FHL2: variants seen among roughly 807,000 people sequenced by gnomAD.
The protein encoded by FHL2 is four and a half LIM domains protein 2.
FHL2 carries 20 observed loss-of-function variants against 32.7 expected under a neutral mutation model. The ratio of observed to expected loss-of-function variants is 0.61; its 90% CI spans 0.43 to 0.89. The LOEUF (loss-of-function observed/expected upper bound fraction) is 0.89. Ranked by LOEUF, FHL2 falls within the 40% of genes least tolerant of loss-of-function variation. The pLI is 0.00. For synonymous variants in FHL2, 123 were observed against 128.1 expected, an observed-to-expected ratio of 0.96 and a Z score of 0.27; for missense variants, 311 against 358.6, an observed-to-expected ratio of 0.87 and a Z score of 1.07.
At chr2:105,430,489 T>TA (rs1463295089) in intron 1 of FHL2, among the ~76,000 whole-genome samples, 1 of 152,122 alleles carries the variant, frequency 6.6e-6, no homozygotes, top group African/African-American at 2.4e-5. Flanking sequence ...CAACATGGTG[T>TA]AACCTCGTCT....
chr2:105,363,788 A>T (rs1245466211), intron 5 of FHL2, among the ~76,000 whole-genome samples: 1 of 152,214 alleles, frequency 6.6e-6, no homozygotes, highest in Non-Finnish European at 1.5e-5. Flanking sequence ...GAAGCAGCAC[A>T]GTGGAGGGGT....
intron 1 of FHL2, among the ~76,000 whole-genome samples, chr2:105,426,904 A>G (rs1339440162): frequency 2.0e-5 from 3 of 152,214 alleles, no homozygotes; most frequent in Admixed American, 2.0e-4. Context: ...TGAATGGTGC[A>G]AGGTTTTGGC....
chr2:105,408,891 A>T (rs1573389795), intron 1 of FHL2, among the ~76,000 whole-genome samples: 1 of 152,318 alleles, frequency 6.6e-6, no homozygotes, highest in Non-Finnish European at 1.5e-5. Flanking sequence ...CTCTCAGAAG[A>T]CAGGCAGTTT....
At chr2:105,392,693 G>C (rs1247524237) in intron 2 of FHL2, among the ~76,000 whole-genome samples, 1 of 151,572 alleles carries the variant, frequency 6.6e-6, no homozygotes. Context: ...AAAATAAAGG[G>C]AAAAGGAAAC....
At chr2:105,421,537 TTTG>T (rs935587286) in intron 1 of FHL2, among the ~76,000 whole-genome samples, 5 of 152,138 alleles carry the variant, frequency 3.3e-5, no homozygotes, top group Admixed American at 6.5e-5. Flanking sequence ...CTGCCCATTT[TTTG>T]TTGTTGTTGT....
At chr2:105,366,480 G>A (rs75873663) in intron 5 of FHL2, among the ~76,000 whole-genome samples, 97 of 152,330 alleles carry the variant, frequency 6.4e-4, no homozygotes, top group African/African-American at 2.1e-3. Flanking sequence ...TGCCCAGGGC[G>A]AGTGAGCAGT....
At chr2:105,372,386 C>T (rs1040385908) in intron 4 of FHL2, among the ~76,000 whole-genome samples, 3 of 149,650 alleles carry the variant, frequency 2.0e-5, no homozygotes, top group Admixed American at 6.7e-5. Flanking sequence ...CCACTATGCC[C>T]GGCTAATTTT....
chr2:105,381,943 G>A (rs956413635), intron 3 of FHL2, among the ~76,000 whole-genome samples: 4 of 152,048 alleles, frequency 2.6e-5, no homozygotes, highest in Non-Finnish European at 5.9e-5. Context: ...AGAAGGGTGG[G>A]TTTTTCAAAC....
At chr2:105,424,411 A>T (rs1255296472) in intron 1 of FHL2, among the ~76,000 whole-genome samples, 1 of 152,210 alleles carries the variant, frequency 6.6e-6, no homozygotes, top group African/African-American at 2.4e-5. Context: ...AAATAGGAGC[A>T]CTTTTACATT....
At chr2:105,358,768 T>C (rs1446024634), downstream of FHL2, 1 of 152,228 alleles carries the variant, frequency 6.6e-6, no homozygotes, top group African/African-American at 2.4e-5. Flanking sequence ...TAAAGTCCTG[T>C]CAGTCAATGC....
intron 1 of FHL2, among the ~76,000 whole-genome samples, chr2:105,429,151 C>T (rs1684347871): frequency 6.6e-6 from 1 of 152,160 alleles, no homozygotes; most frequent in Non-Finnish European, 1.5e-5. Flanking sequence ...CCCTCCACTG[C>T]CACAAGGGGG....
chr2:105,383,799 T>G (rs568987710), intron 3 of FHL2, among the ~76,000 whole-genome samples: 1 of 152,306 alleles, frequency 6.6e-6, no homozygotes, highest in East Asian at 1.9e-4. Flanking sequence ...TTTTTGAAAG[T>G]CAAGAAAAGC....
At chr2:105,434,370 G>A (rs368978517) in intron 1 of FHL2, among the ~76,000 whole-genome samples, 24 of 152,264 alleles carry the variant, frequency 1.6e-4, no homozygotes, top group Admixed American at 9.2e-4. Flanking sequence ...TCAGGAGTTC[G>A]AGACCAGCCT....
At chr2:105,399,689 C>A, upstream of FHL2, 3 of 1,419,712 alleles carry the variant, frequency 2.1e-6, no homozygotes, top group Non-Finnish European at 2.8e-6. Flanking sequence ...GTGCCTCCCA[C>A]ATTCCAAGCC....
intron 5 of FHL2, among the ~76,000 whole-genome samples, chr2:105,366,192 A>G (rs1008659535): frequency 1.3e-5 from 2 of 152,064 alleles, no homozygotes; most frequent in African/African-American, 4.8e-5. Flanking sequence ...CCTGGGCGAC[A>G]GTGTGAGATT....
chr2:105,394,131 TCCTAC>T (rs1303501237), intron 2 of FHL2, among the ~76,000 whole-genome samples: 2 of 152,198 alleles, frequency 1.3e-5, no homozygotes, highest in Non-Finnish European at 2.9e-5. Flanking sequence ...CATTTTATTT[TCCTAC>T]GGATGGGAGT....
intron 1 of FHL2, among the ~76,000 whole-genome samples, chr2:105,416,412 G>A (rs979377442): frequency 6.6e-6 from 1 of 152,204 alleles, no homozygotes; most frequent in South Asian, 2.1e-4. Flanking sequence ...ACCTTATACA[G>A]AAATGTCGTT....
At chr2:105,424,102 G>C (rs912843353) in intron 1 of FHL2, among the ~76,000 whole-genome samples, 2 of 133,650 alleles carry the variant, frequency 1.5e-5, no homozygotes, top group Admixed American at 8.0e-5. Flanking sequence ...CCTACAGAAT[G>C]GGAGAAAATT....
intron 1 of FHL2, among the ~76,000 whole-genome samples, chr2:105,421,959 A>G (rs1181083974): frequency 6.6e-6 from 1 of 152,214 alleles, no homozygotes; most frequent in Non-Finnish European, 1.5e-5. Flanking sequence ...TCACTGGTAC[A>G]TCTTTTTGTT....
Sources: gnomAD v4.1 joint callset for allele counts (sites outside exome capture counted in the v4.1 genomes callset) on GRCh38, gnomAD v4.1.1 for gene constraint, MANE v1.5 for transcripts, NCBI Gene and HGNC (gene_info 2026-07-23, HGNC 2026-07-21) for gene names.